The following ANK3 variants were observed in gnomAD, a reference collection of about 807,000 sequenced individuals.
ANK3 encodes the protein ankyrin 3, also known as ankyrin-3.
Under a neutral mutation model 370.9 loss-of-function variants are expected in ANK3, and 57 were observed. The ratio of observed to expected loss-of-function variants is 0.15; its 90% CI spans 0.12 to 0.19. The LOEUF (loss-of-function observed/expected upper bound fraction) is 0.19, where lower values mean the gene tolerates loss of function less well. Ranked by LOEUF, ANK3 falls within the 10% of genes least tolerant of loss-of-function variation. ANK3 has a pLI of 1.00. For missense variants in ANK3, 4,439 were observed against 5,302.1 expected, an observed-to-expected ratio of 0.84 and a Z score of 5.06; for synonymous variants, 1,929 against 1,946.3, an observed-to-expected ratio of 0.99 and a Z score of 0.23.
intron 2 of ANK3, among the ~76,000 whole-genome samples, chr10:60,456,082 G>A (rs1030274798): frequency 1.3e-5 from 2 of 152,192 alleles, no homozygotes; most frequent in Non-Finnish European, 2.9e-5. Flanking sequence ...ACAGAATTTG[G>A]AGGTCCACCT....
At chr10:60,612,653 G>T (rs536994919) in intron 2 of ANK3, among the ~76,000 whole-genome samples, 1 of 152,142 alleles carries the variant, frequency 6.6e-6, no homozygotes, top group Admixed American at 6.5e-5. Context: ...CACCATGCCC[G>T]GCTAATTTTT....
chr10:60,082,067 C>G (rs912526103), intron 35 of ANK3, 83 bp downstream of exon 35: 35 of 1,092,298 alleles, frequency 3.2e-5, no homozygotes, highest in Non-Finnish European at 1.4e-6. Context: ...GTTTCCCACA[C>G]TTTAGCCCTC....
chr10:60,349,516 T>TA (rs397781937), intron 1 of ANK3, among the ~76,000 whole-genome samples: 3 of 151,686 alleles, frequency 2.0e-5, no homozygotes, highest in Non-Finnish European at 4.4e-5. Context: ...CATTTTTTTT[T>TA]AAACATGAAA....
intron 25 of ANK3, among the ~76,000 whole-genome samples, chr10:60,132,008 G>A (rs1015064807): frequency 2.6e-5 from 4 of 152,278 alleles, no homozygotes; most frequent in African/African-American, 9.6e-5. Context: ...TCTCCTTAGA[G>A]TGTAGAGAAT....
intron 2 of ANK3, among the ~76,000 whole-genome samples, chr10:60,459,037 T>A (rs901289647): frequency 1.3e-5 from 2 of 152,086 alleles, no homozygotes; most frequent in African/African-American, 4.8e-5. Context: ...AAAAGTACCA[T>A]AAAATATAAT....
At chr10:60,155,244 G>A (rs574920879) in intron 23 of ANK3, among the ~76,000 whole-genome samples, 1 of 152,320 alleles carries the variant, frequency 6.6e-6, no homozygotes, top group East Asian at 1.9e-4. Flanking sequence ...ACAGCATAGA[G>A]AAAGAATCTG....
chr10:60,361,200 A>G (rs1461755934), intron 1 of ANK3, among the ~76,000 whole-genome samples: 2 of 152,176 alleles, frequency 1.3e-5, no homozygotes, highest in East Asian at 3.8e-4. Context: ...TCAGTATTCC[A>G]CAGAATTAAT....
intron 2 of ANK3, among the ~76,000 whole-genome samples, chr10:60,422,183 A>G (rs1226541081): frequency 7.2e-5 from 11 of 152,016 alleles, no homozygotes; most frequent in African/African-American, 2.7e-4. Flanking sequence ...GTCTTTCCCC[A>G]AAGTTTCTAC....
intron 2 of ANK3, among the ~76,000 whole-genome samples, chr10:60,551,281 A>T (rs2133232615): frequency 6.6e-6 from 1 of 152,272 alleles, no homozygotes; most frequent in South Asian, 2.1e-4. Flanking sequence ...AAAAAATAAG[A>T]ATCAGATTGA....
Position 60,069,440 on chromosome 10 carries a change from G to T in ANK3, c.11441C>A (p.Pro3814His), listed in dbSNP as rs2082283839. ...GTTATCTTTCTCTGTGGTACAAGTGGGTGCAGAATGTTCTGTCAGAACTAT... is the reference window on the plus strand; with the variant it reads ...GTTATCTTTCTCTGTGGTACAAGTGTGTGCAGAATGTTCTGTCAGAACTAT... ...SNIVLTEHSA[P>H]TCTTEKDNPV... The change falls in exon 37 of 44, where the codon CCC (proline) becomes CAC (histidine). Residue 3814 changes from proline (P) to histidine (H), a missense_variant. Pro to His is a moderately conservative substitution (Grantham distance 77, BLOSUM62 -2). Transcript: ENST00000280772. 6.2e-7 allele frequency: 1 copy of T among 1,613,694 alleles called. No homozygotes were observed. Among genetic ancestry groups the T allele is most frequent in the Non-Finnish European group, 8.5e-7 (1 of 1,179,896 alleles).
chr10:60,148,630 A>G (rs555349852), intron 23 of ANK3, among the ~76,000 whole-genome samples: 1 of 152,322 alleles, frequency 6.6e-6, no homozygotes, highest in East Asian at 1.9e-4. Flanking sequence ...AGTAAGATCA[A>G]ACACCATACT....
chr10:60,390,760 ACACACAAAC>A (rs1434841942), upstream of ANK3, among the ~76,000 whole-genome samples: 17 of 87,912 alleles, frequency 1.9e-4, no homozygotes, highest in Non-Finnish European at 4.2e-4. Context: ...ACACACACAC[ACACACAAAC>A]AACAATTTCA....
chr10:60,106,326 T>C (rs1022742827), intron 27 of ANK3, among the ~76,000 whole-genome samples: 1 of 152,112 alleles, frequency 6.6e-6, no homozygotes, highest in African/African-American at 2.4e-5. Context: ...TCAGTACATA[T>C]AAATAGGAAT....
chr10:60,062,477 C>G (rs1372806683), intron 40 of ANK3: 2 of 152,094 alleles, frequency 1.3e-5, no homozygotes, highest in East Asian at 3.9e-4. Context: ...ACATGTATGC[C>G]GACTGAATTA....
At chr10:60,697,855 A>T (rs1419690184) in intron 1 of ANK3, among the ~76,000 whole-genome samples, 6 of 151,774 alleles carry the variant, frequency 4.0e-5, no homozygotes, top group Non-Finnish European at 7.4e-5. Context: ...CAAGGACTTC[A>T]TGTCTAAAAC....
At chr10:60,693,626 C>T (rs2079393464) in intron 1 of ANK3, among the ~76,000 whole-genome samples, 1 of 152,164 alleles carries the variant, frequency 6.6e-6, no homozygotes, top group Non-Finnish European at 1.5e-5. Flanking sequence ...GGAGGCACCC[C>T]CCAGCAGGGG....
chr10:60,359,151 G>T (rs1014340175), intron 1 of ANK3, among the ~76,000 whole-genome samples: 10 of 152,064 alleles, frequency 6.6e-5, no homozygotes, highest in Admixed American at 3.9e-4. Context: ...ACACTAGGGA[G>T]GTGCTCAAGG....
In ANK3 at chr10:60,075,656, T is replaced by G. The variant is rs1365636571; in HGVS notation, c.5225A>C (p.Gln1742Pro). ...INGCKATATL[Q>P]EKISSATNSV... ...GTTTGTAGCAGAAGAAATTTTTTCC[T>G]GTAACGTGGCAGTGGCTTTGCATCC... Residue 1742 changes from glutamine (Q) to proline (P), a missense_variant, in exon 37 of 44, where the codon CAG (glutamine) becomes CCG (proline). By Grantham distance (76) the Gln-to-Pro change is moderately conservative. This residue lies in a region of ANK3 where 679 missense variants were observed against 791.0 expected (regional missense o/e 0.86). Coordinates refer to ENST00000280772, the MANE Select transcript of ANK3 (RefSeq NM_020987.5). 1.2e-6 allele frequency: 2 copies of G among 1,614,000 alleles called. No individual in the cohort carries two copies. The highest frequency in any genetic ancestry group is 8.5e-7 in the Non-Finnish European group (1 of 1,179,994).
chr10:60,120,640 C>T (rs1197391076), intron 25 of ANK3, among the ~76,000 whole-genome samples: 1 of 152,026 alleles, frequency 6.6e-6, no homozygotes, highest in Non-Finnish European at 1.5e-5. Flanking sequence ...ATCTAATAAT[C>T]CAACTAAAAA....
Sources: allele counts gnomAD v4.1 joint callset (sites outside exome capture counted in the v4.1 genomes callset), GRCh38; gene constraint gnomAD v4.1.1; regional missense constraint gnomAD v4.1.1; transcripts MANE v1.5; gene names NCBI Gene and HGNC (gene_info 2026-07-23, HGNC 2026-07-21).